OR51B5: variants seen among roughly 807,000 people sequenced by gnomAD.
OR51B5 encodes olfactory receptor family 51 subfamily B member 5, also known as olfactory receptor 51B5.
For missense variants in OR51B5, 456 were observed against 374.6 expected, an observed-to-expected ratio of 1.22 and a Z score of -1.79; for synonymous variants, 186 against 144.8, an observed-to-expected ratio of 1.28 and a Z score of -2.04.
intron 1 of OR51B5, chr11:5,455,120 G>C (rs1372887481): frequency 6.6e-6 from 1 of 152,140 alleles, no homozygotes; most frequent in African/African-American, 2.4e-5. Context: ...TTGCCATTTA[G>C]GAAAATCTCC....
chr11:5,347,821 A>G (rs200992793), upstream of OR51B5, among the ~76,000 whole-genome samples: 25 of 152,196 alleles, frequency 1.6e-4, no homozygotes, highest in East Asian at 4.3e-3. Context: ...AGGGAAGAAC[A>G]ATAATTATCT....
At chr11:5,355,774 A>AGGT (rs1395695756) in intron 1 of OR51B5, among the ~76,000 whole-genome samples, 3 of 140,860 alleles carry the variant, frequency 2.1e-5, no homozygotes, top group African/African-American at 5.2e-5. Context: ...AAAAAAAAAA[A>AGGT]AAGAGTAGGG....
At chr11:5,437,414 A>G (rs2133772971) in intron 1 of OR51B5, among the ~76,000 whole-genome samples, 1 of 152,230 alleles carries the variant, frequency 6.6e-6, no homozygotes, top group East Asian at 1.9e-4. Flanking sequence ...AGAGGATATG[A>G]CCTGACTGCC....
chr11:5,429,163 C>T (rs185307204), intron 1 of OR51B5, among the ~76,000 whole-genome samples: 1 of 152,122 alleles, frequency 6.6e-6, no homozygotes, highest in Non-Finnish European at 1.5e-5. Context: ...CCCAGCCAAT[C>T]AATAGCAGCA....
intron 1 of OR51B5, among the ~76,000 whole-genome samples, chr11:5,417,677 T>A (rs1850264070): frequency 6.6e-6 from 1 of 151,700 alleles, no homozygotes; most frequent in African/African-American, 2.4e-5. Context: ...GAAAAAATGT[T>A]CACCATCACT....
intron 1 of OR51B5, chr11:5,430,976 C>G (rs143819026): frequency 4.4e-6 from 2 of 456,930 alleles, no homozygotes; most frequent in Admixed American, 4.7e-5. Context: ...GAGTCCAGCC[C>G]GAAATTTGCG....
chr11:5,414,224 G>GAAATA (rs1850197650), intron 1 of OR51B5, among the ~76,000 whole-genome samples: 1 of 151,512 alleles, frequency 6.6e-6, no homozygotes, highest in African/African-American at 2.4e-5. Context: ...TTACAGACAA[G>GAAATA]CAAATGCTGA....
chr11:5,377,063 A>T (rs1849539378), intron 1 of OR51B5, among the ~76,000 whole-genome samples: 1 of 152,214 alleles, frequency 6.6e-6, no homozygotes, highest in South Asian at 2.1e-4. Flanking sequence ...AATCCTCAAT[A>T]AAATACTGGC....
At chr11:5,468,999 G>A (rs968539125) in intron 1 of OR51B5, 122 of 337,704 alleles carry the variant, frequency 3.6e-4, no homozygotes, top group Admixed American at 3.1e-3. Flanking sequence ...TGGGCCACAC[G>A]GACATCAGTG....
intron 1 of OR51B5, among the ~76,000 whole-genome samples, chr11:5,461,297 G>A (rs763311488): frequency 7.9e-5 from 12 of 152,158 alleles, no homozygotes; most frequent in Non-Finnish European, 1.2e-4. Flanking sequence ...AAGGCTGCAG[G>A]CAGGTGCACA....
At chr11:5,379,963 C>G (rs1273408316) in intron 1 of OR51B5, among the ~76,000 whole-genome samples, 2 of 150,184 alleles carry the variant, frequency 1.3e-5, no homozygotes, top group African/African-American at 2.5e-5. Context: ...TTTTAAGTCA[C>G]CAGAATCATG....
chr11:5,423,376 G>A (rs1428357154), intron 1 of OR51B5, among the ~76,000 whole-genome samples: 1 of 152,174 alleles, frequency 6.6e-6, no homozygotes. Flanking sequence ...GCACATCTTA[G>A]CAGCTATCCC....
chr11:5,485,243 T>C (rs1851482325), intron 1 of OR51B5, among the ~76,000 whole-genome samples: 2 of 152,100 alleles, frequency 1.3e-5, no homozygotes, highest in South Asian at 4.1e-4. Context: ...AAAGCACATA[T>C]GACATAAAAA....
chr11:5,472,733 G>A (rs1851246769), intron 1 of OR51B5, among the ~76,000 whole-genome samples: 1 of 152,222 alleles, frequency 6.6e-6, no homozygotes, highest in Non-Finnish European at 1.5e-5. Context: ...TGACGCCCAG[G>A]AAGAATCCAT....
chr11:5,433,393 T>G (rs1415540942), intron 1 of OR51B5, among the ~76,000 whole-genome samples: 2 of 152,338 alleles, frequency 1.3e-5, no homozygotes, highest in East Asian at 3.9e-4. Flanking sequence ...GGGGTGCTCA[T>G]GACTGGTATA....
chr11:5,459,111 T>C (rs186219832), intron 1 of OR51B5, among the ~76,000 whole-genome samples: 16 of 152,340 alleles, frequency 1.1e-4, no homozygotes, highest in African/African-American at 3.6e-4. Context: ...GTTCTTATTA[T>C]TTTGAGGTAT....
intron 1 of OR51B5, among the ~76,000 whole-genome samples, chr11:5,475,312 C>A (rs1050591204): frequency 6.6e-6 from 1 of 152,164 alleles, no homozygotes; most frequent in Non-Finnish European, 1.5e-5. Context: ...TTCAACTTTA[C>A]ATTGAATATA....
intron 1 of OR51B5, chr11:5,422,402 C>T: frequency 6.2e-7 from 1 of 1,614,158 alleles, no homozygotes; most frequent in South Asian, 1.1e-5. Flanking sequence ...TCTCTCCATG[C>T]TGGCCCTGAC....
chr11:5,411,098 A>C (rs1281512737), intron 1 of OR51B5, among the ~76,000 whole-genome samples: 1 of 152,194 alleles, frequency 6.6e-6, no homozygotes, highest in Non-Finnish European at 1.5e-5. Flanking sequence ...AGCAAACAGT[A>C]ATGTCCTAGG....
Sources: allele counts gnomAD v4.1 joint callset (sites outside exome capture counted in the v4.1 genomes callset), GRCh38; gene constraint gnomAD v4.1.1; transcripts MANE v1.5; gene names NCBI Gene and HGNC (gene_info 2026-07-23, HGNC 2026-07-21).